Variants in GABRA1 observed in about 807,000 individuals in gnomAD.
GABRA1 encodes the protein gamma-aminobutyric acid type A receptor subunit alpha1.
Under a neutral mutation model 48.9 loss-of-function variants are expected in GABRA1, and 9 were observed. The observed-to-expected ratio is 0.18, with a 90% CI of 0.11 to 0.32. The LOEUF is 0.32. Among genes scored for constraint, GABRA1 ranks in the 10% least tolerant of loss-of-function variants. The pLI, the probability that GABRA1 is intolerant of heterozygous loss-of-function variation, is 1.00. For missense variants in GABRA1, 285 were observed against 553.8 expected, an observed-to-expected ratio of 0.51 and a Z score of 4.87; for synonymous variants, 210 against 198.7, an observed-to-expected ratio of 1.06 and a Z score of -0.48.
chr5:161,874,706 G>C (rs1169400448), intron 5 of GABRA1, among the ~76,000 whole-genome samples: 1 of 151,952 alleles, frequency 6.6e-6, no homozygotes, highest in Non-Finnish European at 1.5e-5. Flanking sequence ...GCTTTAGTTG[G>C]TATTCTAATC....
At chr5:161,890,010 A>T (rs942253705) in intron 7 of GABRA1, among the ~76,000 whole-genome samples, 2 of 152,072 alleles carry the variant, frequency 1.3e-5, no homozygotes, top group African/African-American at 4.8e-5. Flanking sequence ...TTAACCCTAT[A>T]TTTTGAGTGA....
chr5:161,858,122 G>A (rs1160738344), intron 3 of GABRA1, among the ~76,000 whole-genome samples: 1 of 151,514 alleles, frequency 6.6e-6, no homozygotes, highest in Non-Finnish European at 1.5e-5. Context: ...AGCCTGGGGA[G>A]ACTCAAGTGT....
At chr5:161,877,570 A>G (rs1754416019) in intron 6 of GABRA1, among the ~76,000 whole-genome samples, 1 of 152,176 alleles carries the variant, frequency 6.6e-6, no homozygotes, top group South Asian at 2.1e-4. Context: ...CCTATACGAA[A>G]AAGATAAAAG....
rs1008508399 is a variant in GABRA1 at position 161,899,084 on chromosome 5, T to C, written c.*1662T>C. On this transcript the variant is annotated 3_prime_UTR_variant, in exon 10 of 10. Coordinates refer to ENST00000393943, the MANE Select transcript of GABRA1 (RefSeq NM_001127644.2). The stretch of plus-strand genomic sequence containing the variant: ...ATAGAGTTTAACAGATATTTAAATT[T>C]AGTGCTCAGAATCCACAAGTCACGG... The C allele has an allele frequency of 8.5e-5, 13 of 152,544 alleles. No homozygotes were observed. The highest frequency in any genetic ancestry group is 3.1e-4 in the African/African-American group (13 of 41,452). The allele number at this position is 152,544 out of a possible 1,614,324, so 9.4% of individuals were successfully genotyped here.
intron 6 of GABRA1, among the ~76,000 whole-genome samples, chr5:161,878,517 A>G (rs1054545600): frequency 2.0e-5 from 3 of 152,232 alleles, no homozygotes; most frequent in African/African-American, 7.2e-5. Context: ...TTAGTGGAAC[A>G]GTCTGTAATA....
At position 161,895,830 on chromosome 5, in the gene GABRA1, G is replaced by A; in HGVS notation, c.1021G>A (p.Gly341Ser). 1.9e-6 allele frequency: 3 copies of A among 1,613,932 alleles called. No individual in the cohort carries two copies. In the East Asian group the frequency reaches 6.7e-5, roughly 36 times the overall value. The change falls in exon 9 of 10, where the codon GGT becomes AGT. Residue 341 changes from glycine to serine, a missense_variant. By Grantham distance (56) the Gly-to-Ser change is moderately conservative. Around this residue, in one of 6 missense-constraint regions of GABRA1, gnomAD observed 14 missense variants for 113.8 expected, o/e 0.12. Transcript: ENST00000393943. ...CACAGTAAACTATTTCACTAAGAGA[G>A]GTTATGCATGGGATGGCAAAAGTGT... ...FATVNYFTKR[G>S]YAWDGKSVVP...
chr5:161,891,103 G>A lies in GABRA1; in HGVS notation c.856+53G>A, dbSNP rs1049604870. On this transcript the variant is annotated intron_variant, in intron 8 of 9. Transcript: ENST00000393943. ...AGGAAGGGTATGGAAGACAAGTTAT[G>A]TCATATCTGTGACACTGCAAAGAGA... The A allele has an allele frequency of 5.6e-5, 85 of 1,517,158 alleles. No individual in the cohort carries two copies. The African/African-American group carries it at 1.0e-3, about 18-fold the overall frequency. 94.0% of individuals were successfully genotyped at this position (1,517,158 alleles called of 1,614,324 possible). A position where few individuals can be genotyped will look rare whatever the true frequency, so the allele number is the denominator to read the frequency against.
At chr5:161,866,931 T>C (rs1753888706) in intron 4 of GABRA1, among the ~76,000 whole-genome samples, 1 of 152,130 alleles carries the variant, frequency 6.6e-6, no homozygotes, top group South Asian at 2.1e-4. Flanking sequence ...CCAGATTGCC[T>C]GGTTTATAAT....
At chr5:161,865,124 T>C (rs1758003100) in intron 3 of GABRA1, among the ~76,000 whole-genome samples, 1 of 152,120 alleles carries the variant, frequency 6.6e-6, no homozygotes, top group Non-Finnish European at 1.5e-5. Context: ...AAACAGAATA[T>C]ATTAAGTGAA....
intron 7 of GABRA1, among the ~76,000 whole-genome samples, chr5:161,883,327 A>G (rs554999173): frequency 1.3e-5 from 2 of 152,196 alleles, no homozygotes; most frequent in Non-Finnish European, 2.9e-5. Flanking sequence ...AAAAGTAGGT[A>G]GCATGCCATC....
intron 6 of GABRA1, among the ~76,000 whole-genome samples, chr5:161,880,294 A>G (rs1267390381): frequency 6.6e-6 from 1 of 152,192 alleles, no homozygotes; most frequent in Non-Finnish European, 1.5e-5. Flanking sequence ...ATGTCTTCTT[A>G]GGTAAGATGC....
chr5:161,874,448 C>T (rs960521121), intron 5 of GABRA1, among the ~76,000 whole-genome samples: 7 of 152,000 alleles, frequency 4.6e-5, no homozygotes, highest in Middle Eastern at 3.4e-3. Context: ...GAAATATTCC[C>T]CCCTGATGAA....
chr5:161,859,404 C>G (rs1757767178), intron 3 of GABRA1, among the ~76,000 whole-genome samples: 1 of 151,696 alleles, frequency 6.6e-6, no homozygotes, highest in Admixed American at 6.6e-5. Flanking sequence ...TGGAAATTCC[C>G]TGCAGTTGGC....
At chr5:161,883,370 A>G (rs188407937) in intron 7 of GABRA1, among the ~76,000 whole-genome samples, 3 of 152,316 alleles carry the variant, frequency 2.0e-5, no homozygotes, top group Admixed American at 1.3e-4. Flanking sequence ...TACTAATTCT[A>G]TACTCAGAAC....
At position 161,854,258 on chromosome 5, in the gene GABRA1, C is replaced by A. The variant is rs768778314; in HGVS notation, c.175C>A (p.Pro59Thr). ...LLDGYDNRLR[P>T]GLGERVTEVK... ...AGATGGTTATGACAATCGCCTGAGA[C>A]CAGGATTGGGAGGTAGGTTGCATTA... Residue 59 changes from proline to threonine, a missense_variant, in exon 3 of 10, where the codon CCA (proline) becomes ACA (threonine). Physicochemically the swap from Pro to Thr is conservative, Grantham distance 38. This residue lies in a region of GABRA1 where 105 missense variants were observed against 267.4 expected (regional missense o/e 0.39). Coordinates refer to ENST00000393943, the MANE Select transcript of GABRA1 (RefSeq NM_001127644.2). The A allele has an allele frequency of 6.4e-7, 1 of 1,565,228 alleles. No individual in the cohort carries two copies. Among genetic ancestry groups the A allele is most frequent in the Non-Finnish European group, 8.8e-7 (1 of 1,136,008 alleles).
chr5:161,894,123 G>A (rs2113458858), intron 8 of GABRA1, among the ~76,000 whole-genome samples: 1 of 152,162 alleles, frequency 6.6e-6, no homozygotes, highest in Admixed American at 6.5e-5. Flanking sequence ...CATTAGTTTT[G>A]CCCTTATTAT....
intron 6 of GABRA1, among the ~76,000 whole-genome samples, chr5:161,880,184 T>C: frequency 6.6e-6 from 1 of 152,216 alleles, no homozygotes; most frequent in East Asian, 1.9e-4. Flanking sequence ...ATTTATTTTT[T>C]TCCCTCAGTT....
At chr5:161,874,547 G>A (rs1754263952) in intron 5 of GABRA1, among the ~76,000 whole-genome samples, 1 of 152,020 alleles carries the variant, frequency 6.6e-6, no homozygotes, top group Admixed American at 6.6e-5. Flanking sequence ...ATCCTAAGTG[G>A]TTTATTGATT....
chr5:161,891,587 C>T (rs1221820152), intron 8 of GABRA1, among the ~76,000 whole-genome samples: 1 of 152,034 alleles, frequency 6.6e-6, no homozygotes, highest in Non-Finnish European at 1.5e-5. Flanking sequence ...TTTTAATGAC[C>T]TACATGCTTC....
Sources: gnomAD v4.1 joint callset for allele counts (sites outside exome capture counted in the v4.1 genomes callset) on GRCh38, gnomAD v4.1.1 for gene constraint, gnomAD v4.1.1 regional missense constraint, MANE v1.5 for transcripts, NCBI Gene and HGNC (gene_info 2026-07-23, HGNC 2026-07-21) for gene names.